Variants in SDK1 observed in about 807,000 individuals in gnomAD.
SDK1 encodes sidekick cell adhesion molecule 1.
SDK1 carries 157 observed loss-of-function variants against 245.5 expected under a neutral mutation model. That is an observed-to-expected ratio of 0.64 (90% confidence interval 0.56 to 0.73). SDK1 has a LOEUF of 0.73. SDK1 is among the 30% of genes least tolerant of loss of function. The pLI is 0.00. For missense variants in SDK1, 3,583 were observed against 3,002.3 expected, an observed-to-expected ratio of 1.19 and a Z score of -4.52; for synonymous variants, 1,647 against 1,278.5, an observed-to-expected ratio of 1.29 and a Z score of -6.15.
At chr7:4,074,136 TGGGCAGGCTGATAA>T (rs1320498584) in intron 20 of SDK1, among the ~76,000 whole-genome samples, 1 of 152,094 alleles carries the variant, frequency 6.6e-6, no homozygotes, top group Non-Finnish European at 1.5e-5. Flanking sequence ...CCTAAGTAGC[TGGGCAGGCTGATAA>T]GAACAGACGA....
At chr7:3,722,734 C>T (rs1778853116) in intron 4 of SDK1, among the ~76,000 whole-genome samples, 1 of 152,216 alleles carries the variant, frequency 6.6e-6, no homozygotes, top group Admixed American at 6.5e-5. Context: ...GTGCAGAATC[C>T]TCAGATCCGG....
intron 36 of SDK1, 23 bp from the exon 37 acceptor site, chr7:4,208,076 C>T: frequency 6.3e-7 from 1 of 1,593,408 alleles, no homozygotes. Context: ...GGACCCACCC[C>T]AACCTCTTGC....
intron 12 of SDK1, among the ~76,000 whole-genome samples, chr7:3,972,088 T>C (rs1029189072): frequency 1.0e-4 from 15 of 150,122 alleles, no homozygotes; most frequent in Non-Finnish European, 1.3e-4. Flanking sequence ...TCTTTTTTTT[T>C]TTTTTTTTTG....
At chr7:3,681,189 G>A (rs1784088394) in intron 4 of SDK1, among the ~76,000 whole-genome samples, 1 of 90,746 alleles carries the variant, frequency 1.1e-5, no homozygotes, top group Non-Finnish European at 2.4e-5. Context: ...ATGCCCCCGA[G>A]TGCTATAGTT....
At chr7:4,221,659 G>A (rs1430356546) in intron 40 of SDK1, among the ~76,000 whole-genome samples, 2 of 152,156 alleles carry the variant, frequency 1.3e-5, no homozygotes, top group African/African-American at 4.8e-5. Context: ...AGAACTTAGG[G>A]ACACTAAAAG....
chr7:3,590,955 G>A (rs1268844655), intron 1 of SDK1, among the ~76,000 whole-genome samples: 1 of 151,848 alleles, frequency 6.6e-6, no homozygotes, highest in African/African-American at 2.4e-5. Context: ...GCTAATTTTT[G>A]TATTTTTTGC....
At chr7:3,861,560 G>A (rs1225466978) in intron 5 of SDK1, among the ~76,000 whole-genome samples, 1 of 152,116 alleles carries the variant, frequency 6.6e-6, no homozygotes, top group Non-Finnish European at 1.5e-5. Context: ...GAGAAAGCAC[G>A]ACTCATTTCC....
intron 1 of SDK1, among the ~76,000 whole-genome samples, chr7:3,602,012 C>T (rs559000859): frequency 0.016 from 2,458 of 151,966 alleles, 72 homozygotes; most frequent in African/African-American, 0.057. Context: ...TGAACTCATC[C>T]TTTTTTATGG....
At chr7:3,990,741 G>A (rs944245450) in intron 14 of SDK1, among the ~76,000 whole-genome samples, 1 of 152,174 alleles carries the variant, frequency 6.6e-6, no homozygotes, top group Non-Finnish European at 1.5e-5. Context: ...TCTCTCCAGT[G>A]GAGTCCTCTT....
intron 1 of SDK1, among the ~76,000 whole-genome samples, chr7:3,483,117 C>G (rs1337469006): frequency 6.6e-6 from 1 of 152,088 alleles, no homozygotes; most frequent in Non-Finnish European, 1.5e-5. Context: ...TTAGGATTGG[C>G]TTGTCAAGTT....
intron 2 of SDK1, among the ~76,000 whole-genome samples, chr7:3,637,335 G>A (rs1234495754): frequency 1.3e-5 from 2 of 152,190 alleles, no homozygotes; most frequent in African/African-American, 2.4e-5. Flanking sequence ...GGCCTCAAGT[G>A]ATCTGCCTGC....
At chr7:4,150,424 G>T (rs536149086) in intron 30 of SDK1, among the ~76,000 whole-genome samples, 1 of 152,234 alleles carries the variant, frequency 6.6e-6, no homozygotes, top group African/African-American at 2.4e-5. Context: ...GTTGTCTCCA[G>T]GCTGGCCGAG....
intron 14 of SDK1, among the ~76,000 whole-genome samples, chr7:4,003,011 G>A (rs1785189953): frequency 6.6e-6 from 1 of 152,192 alleles, no homozygotes. Flanking sequence ...CCACCCCATG[G>A]GCATCAGGCC....
intron 1 of SDK1, among the ~76,000 whole-genome samples, chr7:3,461,349 GTA>G (rs1319048669): frequency 6.6e-6 from 1 of 152,126 alleles, no homozygotes; most frequent in East Asian, 1.9e-4. Flanking sequence ...AGCTGAAGTT[GTA>G]TTACTTCAAA....
intron 1 of SDK1, among the ~76,000 whole-genome samples, chr7:3,387,872 C>T (rs896625617): frequency 6.6e-6 from 1 of 152,172 alleles, no homozygotes; most frequent in Non-Finnish European, 1.5e-5. Flanking sequence ...CACAACAACC[C>T]TGTTAAGTAG....
chr7:3,317,656 T>G (rs1477664798), intron 1 of SDK1, among the ~76,000 whole-genome samples: 1 of 152,018 alleles, frequency 6.6e-6, no homozygotes, highest in Non-Finnish European at 1.5e-5. Context: ...TCTTCTCCCA[T>G]GTTCACAGGA....
intron 9 of SDK1, among the ~76,000 whole-genome samples, chr7:3,965,810 C>G (rs532135137): frequency 1.3e-5 from 2 of 152,044 alleles, no homozygotes; most frequent in South Asian, 2.1e-4. Flanking sequence ...TGGGGCTTCT[C>G]TAGGAGAGAT....
intron 1 of SDK1, among the ~76,000 whole-genome samples, chr7:3,498,885 C>T (rs1184871726): frequency 1.3e-5 from 2 of 152,180 alleles, no homozygotes; most frequent in South Asian, 2.1e-4. Flanking sequence ...TATCCTGCTA[C>T]ATGACACTTT....
At chr7:3,536,898 GTTGT>G (rs1778904974) in intron 1 of SDK1, among the ~76,000 whole-genome samples, 1 of 152,144 alleles carries the variant, frequency 6.6e-6, no homozygotes, top group Non-Finnish European at 1.5e-5. Flanking sequence ...TGAATCAGTA[GTTGT>G]TTAGTTGAAT....
Sources: gnomAD v4.1 joint callset for allele counts (sites outside exome capture counted in the v4.1 genomes callset) on GRCh38, gnomAD v4.1.1 for gene constraint, MANE v1.5 for transcripts, NCBI Gene and HGNC (gene_info 2026-07-23, HGNC 2026-07-21) for gene names.